The following NIBAN3 variants were observed in gnomAD, a reference collection of about 807,000 sequenced individuals.
NIBAN3 encodes the protein protein Niban 3.
NIBAN3 carries 66 observed loss-of-function variants against 76.4 expected under a neutral mutation model. The ratio of observed to expected loss-of-function variants is 0.86; its 90% confidence interval spans 0.71 to 1.06. The LOEUF is 1.06. Among genes scored for constraint, NIBAN3 ranks in the 50% least tolerant of loss-of-function variants. The probability of loss-of-function intolerance (pLI) is 0.00; values close to 1 mark genes in which losing one functional copy is unlikely to be tolerated. For synonymous variants in NIBAN3, 360 were observed against 355.2 expected, an observed-to-expected ratio of 1.01 and a Z score of -0.15; for missense variants, 808 against 810.7, an observed-to-expected ratio of 1.00 and a Z score of 0.04.
chr19:17,548,613 AG>A (rs2076101029), intron 13 of NIBAN3, among the ~76,000 whole-genome samples: 1 of 152,092 alleles, frequency 6.6e-6, no homozygotes, highest in African/African-American at 2.4e-5. Context: ...TGAAGGAAAG[AG>A]GAAGAACAGA....
At chr19:17,533,974 A>G (rs2075778394) in intron 4 of NIBAN3, among the ~76,000 whole-genome samples, 1 of 151,876 alleles carries the variant, frequency 6.6e-6, no homozygotes, top group South Asian at 2.1e-4. Flanking sequence ...ACAAACAAAC[A>G]CCCACTCTTG....
chr19:17,553,713 A>C (rs1026850835), downstream of NIBAN3: 1 of 724,410 alleles, frequency 1.4e-6, no homozygotes. Context: ...TTGCAGCTAC[A>C]AGAATTTGTC....
upstream of NIBAN3, among the ~76,000 whole-genome samples, chr19:17,526,088 T>C (rs1373513194): frequency 6.8e-6 from 1 of 146,886 alleles, no homozygotes; most frequent in African/African-American, 2.5e-5. Context: ...TCAAGGAGGG[T>C]GGATCACGAG....
At chr19:17,554,753 C>T (rs1333321703), downstream of NIBAN3, among the ~76,000 whole-genome samples, 1 of 134,362 alleles carries the variant, frequency 7.4e-6, no homozygotes, top group African/African-American at 2.9e-5. Context: ...GTACTCTAGC[C>T]GGGGCAATGG....
upstream of NIBAN3, chr19:17,527,197 G>A: frequency 6.5e-7 from 1 of 1,544,594 alleles, no homozygotes. Flanking sequence ...GGAGGACGCA[G>A]GTGCAGCGTG....
intron 1 of NIBAN3, among the ~76,000 whole-genome samples, chr19:17,527,989 C>T (rs576186614): frequency 3.3e-5 from 5 of 152,108 alleles, no homozygotes; most frequent in Non-Finnish European, 7.4e-5. Flanking sequence ...CCACTGTGTC[C>T]AGCCTGCATC....
chr19:17,539,440 G>A lies in NIBAN3; in HGVS notation c.805G>A (p.Ala269Thr). Residue 269 changes from alanine (A) to threonine (T), a missense_variant, in exon 7 of 15, where the codon GCC becomes ACC. Physicochemically the swap from Ala to Thr is moderately conservative, Grantham distance 58. Coordinates refer to ENST00000599164, the MANE Select transcript of NIBAN3 (RefSeq NM_001321827.2). Reference protein sequence around the residue: ...LRGAGRARAWAWTELLDAVHA... With the variant: ...LRGAGRARAWTWTELLDAVHA... ...GGGGGCAGGCCGCGCCCGCGCCTGG[G>A]CCTGGACCGAGGTATGCACGGCGTC... 1 of 1,488,324 alleles carries A rather than the reference G, an allele frequency of 6.7e-7. No homozygotes were observed. Among genetic ancestry groups the A allele is most frequent in the Non-Finnish European group, 8.9e-7 (1 of 1,123,426 alleles). The allele number at this position is 1,488,324 out of a possible 1,614,324, so 92.2% of individuals were successfully genotyped here.
At position 17,543,506 on chromosome 19, in the gene NIBAN3, G is replaced by A. The variant is rs777645998; in HGVS notation, c.1447-18G>A. On this transcript the variant is annotated intron_variant, in intron 11 of 14. Coordinates refer to ENST00000599164, the MANE Select transcript of NIBAN3 (RefSeq NM_001321827.2). ...TGCTCAGATGGTTGCTGGACGCACCGCTGGGTGTGTTGTGCAGAAATTCAA... is the reference window on the plus strand; with the variant it reads ...TGCTCAGATGGTTGCTGGACGCACCACTGGGTGTGTTGTGCAGAAATTCAA... 7.1e-5 allele frequency: 114 copies of A among 1,612,656 alleles called. No homozygotes were observed. Among genetic ancestry groups the A allele is most frequent in the Middle Eastern group, 1.6e-4 (1 of 6,082 alleles).
At chr19:17,546,039 C>A (rs2144763585) in intron 12 of NIBAN3, 1 of 391,854 alleles carries the variant, frequency 2.6e-6, no homozygotes, top group Non-Finnish European at 5.2e-6. Context: ...GGCGTCACCG[C>A]TAGACCAAGG....
intron 1 of NIBAN3, among the ~76,000 whole-genome samples, chr19:17,528,285 T>A (rs1464304363): frequency 6.6e-6 from 1 of 151,800 alleles, no homozygotes; most frequent in Non-Finnish European, 1.5e-5. Flanking sequence ...AGAGATGGGG[T>A]TTCACCATTT....
At chr19:17,554,016 G>A (rs952255831), downstream of NIBAN3, among the ~76,000 whole-genome samples, 3 of 151,826 alleles carry the variant, frequency 2.0e-5, no homozygotes, top group African/African-American at 4.8e-5. Context: ...GATTACAGGC[G>A]AAGCGCCACC....
At chr19:17,539,314 C>G (rs567522575) in intron 6 of NIBAN3, 33 bp from the exon 7 acceptor site, 12 of 1,555,150 alleles carry the variant, frequency 7.7e-6, no homozygotes, top group South Asian at 7.1e-5. Context: ...CCCTCCCGGC[C>G]GACCGCGGCG....
In NIBAN3 at chr19:17,537,411, G is replaced by A. The variant is rs1399353412; in HGVS notation, c.463G>A (p.Glu155Lys). ...HTQEEPDSLL[E>K]VPVSFPLFLQ... is the part of the protein sequence containing the mutation. ...TCAGGAAGAGCCTGACTCCCTCTTG[G>A]AAGTGCCTGTGAGCTTCCCGCTGTT... is the stretch of plus-strand genomic sequence containing the variant. The change falls in exon 5 of 15, where the codon GAA becomes AAA. Residue 155 changes from glutamate to lysine, a missense_variant. Glu to Lys is a moderately conservative substitution (Grantham distance 56). Transcript: ENST00000599164. The A allele has an allele frequency of 1.2e-6, 2 of 1,613,982 alleles. No homozygotes were observed. Among genetic ancestry groups the A allele is most frequent in the Admixed American group, 1.7e-5 (1 of 59,990 alleles).
chr19:17,542,325 A>C lies in NIBAN3; in HGVS notation c.1329+31A>C. 1 of 1,568,238 alleles carries C rather than the reference A, an allele frequency of 6.4e-7. No homozygotes were observed. The highest frequency in any genetic ancestry group is 1.2e-5 in the South Asian group (1 of 83,342). On this transcript the variant is annotated intron_variant, in intron 10 of 14. Transcript: ENST00000599164. This position sits in a 1 kb window ranked among gnomAD's most constrained non-coding sequence, Gnocchi z 4.8. The stretch of plus-strand genomic sequence containing the variant: ...GGTGAGAGGAGGCTGGGATGAGGCC[A>C]GGCTGTGAAGACAGCCTCCACTGAC...
At position 17,539,785 on chromosome 19, in the gene NIBAN3, C is replaced by A; in HGVS notation, c.979+20C>A. ...TGAGGAGTGAGGCCCTGGGGCGGAG[C>A]CTGGGCTGGGAGGGGCGAGGCGATG... On this transcript the variant is annotated intron_variant, in intron 8 of 14. Coordinates refer to ENST00000599164, the MANE Select transcript of NIBAN3 (RefSeq NM_001321827.2). The A allele has an allele frequency of 6.7e-7, 1 of 1,502,238 alleles. No homozygotes were observed. The highest frequency in any genetic ancestry group is 8.9e-7 in the Non-Finnish European group (1 of 1,122,730). 93.1% of individuals were successfully genotyped at this position (1,502,238 alleles called of 1,614,324 possible). A position where few individuals can be genotyped will look rare whatever the true frequency, so the allele number is the denominator to read the frequency against.
chr19:17,530,678 T>G (rs539965403), intron 1 of NIBAN3, 77 bp from the exon 2 acceptor site: 1 of 1,450,848 alleles, frequency 6.9e-7, no homozygotes, highest in Non-Finnish European at 9.2e-7. Context: ...GTGGCTTCCC[T>G]GTCTGTTTTG....
downstream of NIBAN3, among the ~76,000 whole-genome samples, chr19:17,554,502 A>AGCTG (rs1432677780): frequency 6.6e-6 from 1 of 151,092 alleles, no homozygotes; most frequent in African/African-American, 2.4e-5. Flanking sequence ...AATAATAATA[A>AGCTG]GCTGGGCGCG....
At chr19:17,525,511 G>A (rs1025211011), upstream of NIBAN3, among the ~76,000 whole-genome samples, 2 of 152,204 alleles carry the variant, frequency 1.3e-5, no homozygotes, top group Non-Finnish European at 2.9e-5. Context: ...ACCAGTCCAG[G>A]GGCACAGGGA....
In NIBAN3 at chr19:17,530,501, T is replaced by C. The variant is rs1226561701; in HGVS notation, c.56-254T>C. Among the ~76,000 whole-genome samples the C allele has an allele frequency of 2.3e-5, 3 of 129,946 alleles. No individual in the cohort carries two copies. The Admixed American group carries it at 2.9e-4, about 12-fold the overall frequency. The allele number at this position is 129,946 out of a possible 152,430, so 85.2% of individuals were successfully genotyped here. A position where few individuals can be genotyped will look rare whatever the true frequency, so the allele number is the denominator to read the frequency against. ...TGAGCTGAGATCGTGCCACTGCACTTCAGCCTGGCAACGGAGCAAGACTCC... is the reference window on the plus strand; with the variant it reads ...TGAGCTGAGATCGTGCCACTGCACTCCAGCCTGGCAACGGAGCAAGACTCC... On this transcript the variant is annotated intron_variant, in intron 1 of 14. Transcript: ENST00000599164.
Sources: allele counts gnomAD v4.1 joint callset (sites outside exome capture counted in the v4.1 genomes callset), GRCh38; gene constraint gnomAD v4.1.1; non-coding constraint Gnocchi (gnomAD v3.1); transcripts MANE v1.5; gene names NCBI Gene and HGNC (gene_info 2026-07-23, HGNC 2026-07-21).